Variants in ZNF600 observed in about 807,000 individuals in gnomAD.
ZNF600 encodes the protein zinc finger protein 600, also known as zinc finger protein KR-ZNF1.
Under a neutral mutation model 7.3 loss-of-function variants are expected in ZNF600, and 4 were observed. The ratio of observed to expected loss-of-function variants is 0.55; its 90% confidence interval spans 0.27 to 1.25. The LOEUF (loss-of-function observed/expected upper bound fraction) is 1.25, where lower values mean the gene tolerates loss of function less well. ZNF600 is among the 50% of genes most tolerant of loss of function. The pLI, the probability that ZNF600 is intolerant of heterozygous loss-of-function variation, is 0.12. For missense variants in ZNF600, 911 were observed against 922.1 expected, an observed-to-expected ratio of 0.99 and a Z score of 0.16; for synonymous variants, 290 against 308.9, an observed-to-expected ratio of 0.94 and a Z score of 0.64.
chr19:52,792,691 G>T, the ZNF600 span, among the ~76,000 whole-genome samples: 1 of 152,012 alleles, frequency 6.6e-6, no homozygotes, highest in Non-Finnish European at 1.5e-5. Flanking sequence ...ACCAATGTAT[G>T]TGAGCCACCA....
At chr19:52,818,346 G>A in the ZNF600 span, among the ~76,000 whole-genome samples, 1 of 152,198 alleles carries the variant, frequency 6.6e-6, no homozygotes, top group African/African-American at 2.4e-5. Flanking sequence ...GGAAGCTGAG[G>A]TGGAAGGATC....
chr19:52,780,481 A>G lies in ZNF600; in HGVS notation c.-19-1574T>C, dbSNP rs142660151. Among the ~76,000 whole-genome samples, 422 of 152,302 alleles carry G rather than the reference A, an allele frequency of 2.8e-3. 2 individuals carry two copies. Among genetic ancestry groups the G allele is most frequent in the African/African-American group, 9.0e-3 (372 of 41,560 alleles). ...GAGGAAAGCGACCAGTGGGGCTGGA[A>G]CAGTGGAAGAGAGGAGGGCACAGGT... is the stretch of plus-strand genomic sequence containing the variant. On this transcript the variant is annotated intron_variant, in intron 1 of 3. Transcript: ENST00000648973.
the ZNF600 span, among the ~76,000 whole-genome samples, chr19:52,808,404 T>C: frequency 2.0e-5 from 3 of 152,326 alleles, no homozygotes; most frequent in African/African-American, 7.2e-5. Context: ...GAAACTTTTA[T>C]AGACACACCA....
intron 3 of ZNF600, among the ~76,000 whole-genome samples, chr19:52,771,343 T>C (rs926349236): frequency 4.6e-5 from 7 of 151,944 alleles, no homozygotes; most frequent in East Asian, 1.9e-4. Flanking sequence ...AAGTTTCAGC[T>C]ATTTCTTTTT....
At chr19:52,801,745 T>C in the ZNF600 span, 3 of 1,537,528 alleles carry the variant, frequency 2.0e-6, no homozygotes, top group Non-Finnish European at 2.7e-6. Context: ...GAAGTACAGA[T>C]GGTGTATAAT....
chr19:52,816,915 G>A, the ZNF600 span, among the ~76,000 whole-genome samples: 2 of 150,308 alleles, frequency 1.3e-5, no homozygotes, highest in East Asian at 2.0e-4. Context: ...AGATAAAAAA[G>A]CAGTACTCTC....
At chr19:52,799,118 A>T in the ZNF600 span, 1 of 413,300 alleles carries the variant, frequency 2.4e-6, no homozygotes, top group Non-Finnish European at 4.7e-6. Context: ...TCTCTGCAGT[A>T]TGAAGACTAT....
At chr19:52,796,821 C>T in the ZNF600 span, among the ~76,000 whole-genome samples, 3 of 152,168 alleles carry the variant, frequency 2.0e-5, no homozygotes, top group African/African-American at 7.2e-5. Context: ...ATTTACATTG[C>T]TTTGATTGAG....
exon 4 of ZNF600, chr19:52,767,010 T>C: frequency 6.2e-7 from 1 of 1,614,168 alleles, no homozygotes; most frequent in South Asian, 1.1e-5. Context: ...GCCACACTCA[T>C]TACACTTGTG....
At chr19:52,817,313 G>A in the ZNF600 span, among the ~76,000 whole-genome samples, 140 of 151,830 alleles carry the variant, frequency 9.2e-4, 1 homozygote, top group African/African-American at 3.1e-3. Flanking sequence ...CGGAGGTTGC[G>A]GTGAGCTGAG....
At chr19:52,825,724 G>T in the ZNF600 span, among the ~76,000 whole-genome samples, 1 of 152,052 alleles carries the variant, frequency 6.6e-6, no homozygotes, top group Admixed American at 6.6e-5. Flanking sequence ...AGTGGCTCAT[G>T]CCTGTAATCC....
chr19:52,807,053 G>A, the ZNF600 span, among the ~76,000 whole-genome samples: 1 of 152,164 alleles, frequency 6.6e-6, no homozygotes, highest in Non-Finnish European at 1.5e-5. Flanking sequence ...CTATTTGAAG[G>A]TGGAGCTTCC....
Position 52,778,792 on chromosome 19 carries a change from A to G in ZNF600, c.63+34T>C, listed in dbSNP as rs2062696913. The G allele has an allele frequency of 2.5e-6, 4 of 1,583,970 alleles. No individual in the cohort carries two copies. The Admixed American group carries it at 5.6e-5, about 22-fold the overall frequency. On this transcript the variant is annotated intron_variant, in intron 2 of 3. Transcript: ENST00000648973. Reference sequence around the variant, plus strand: ...ATACCTGGCATTTCAGAAAGGAAAGAGACAGATTAATCCACAGAGGAATAT... The same window carrying G: ...ATACCTGGCATTTCAGAAAGGAAAGGGACAGATTAATCCACAGAGGAATAT...
chr19:52,818,977 A>G, the ZNF600 span, among the ~76,000 whole-genome samples: 2 of 143,040 alleles, frequency 1.4e-5, no homozygotes, highest in Admixed American at 1.4e-4. Context: ...GGGCAGAGGG[A>G]ACTTCAGATG....
At chr19:52,798,965 T>A in the ZNF600 span, 51 of 1,308,546 alleles carry the variant, frequency 3.9e-5, no homozygotes, top group Non-Finnish European at 5.1e-5. Context: ...AATTCTAGTA[T>A]GGTGTGCCAG....
chr19:52,767,282 T>C, exon 4 of ZNF600: 1 of 1,614,218 alleles, frequency 6.2e-7, no homozygotes, highest in South Asian at 1.1e-5. Context: ...AAGATTTTTC[T>C]CTCATGTATA....
upstream of ZNF600, among the ~76,000 whole-genome samples, chr19:52,788,670 C>T (rs1234147630): frequency 6.6e-6 from 1 of 152,152 alleles, no homozygotes; most frequent in African/African-American, 2.4e-5. Context: ...ATCTTCAGGG[C>T]ACAGATCTGG....
In ZNF600 at chr19:52,780,681, T is replaced by C. The variant is rs1869287682; in HGVS notation, c.-19-1774A>G. Reference sequence around the variant, plus strand: ...AGTCAGAGGTTGCAGTGAGCTGATATCATGGCATTGCACTCCAGCCTCAGC... The same window carrying C: ...AGTCAGAGGTTGCAGTGAGCTGATACCATGGCATTGCACTCCAGCCTCAGC... On this transcript the variant is annotated intron_variant, in intron 1 of 3. An upstream open reading frame in the 5' UTR loses its in-frame stop. Coordinates refer to ENST00000648973, the Ensembl canonical transcript of ZNF600. The C allele has an allele frequency of 6.6e-6, 1 of 152,190 alleles. No homozygotes were observed. The highest frequency in any genetic ancestry group is 1.9e-4 in the East Asian group (1 of 5,182). 9.4% of individuals were successfully genotyped at this position (152,190 alleles called of 1,614,324 possible).
chr19:52,820,187 G>C, the ZNF600 span, among the ~76,000 whole-genome samples: 2 of 103,522 alleles, frequency 1.9e-5, no homozygotes, highest in Non-Finnish European at 3.8e-5. Flanking sequence ...GCGCAATCTC[G>C]GCTCACTGCA....
Sources: allele counts gnomAD v4.1 joint callset (sites outside exome capture counted in the v4.1 genomes callset), GRCh38; gene constraint gnomAD v4.1.1; transcripts MANE v1.5; gene names NCBI Gene and HGNC (gene_info 2026-07-23, HGNC 2026-07-21).